Variants in CCSER1 observed in about 807,000 individuals in gnomAD.
CCSER1 encodes the protein serine-rich coiled-coil domain-containing protein 1.
Under a neutral mutation model 82.0 loss-of-function variants are expected in CCSER1, and 41 were observed. The observed-to-expected ratio is 0.50, with a 90% CI of 0.39 to 0.65. CCSER1 has a LOEUF of 0.65. Ranked by LOEUF, CCSER1 falls within the 30% of genes least tolerant of loss-of-function variation. The probability of loss-of-function intolerance (pLI) is 0.00; values close to 1 mark genes in which losing one functional copy is unlikely to be tolerated. For missense variants in CCSER1, 1,119 were observed against 1,064.2 expected (o/e 1.05, Z -0.72); for synonymous variants, 414 against 383.9 (o/e 1.08, Z -0.92).
intron 6 of CCSER1, 69 bp downstream of exon 6, chr4:90,628,301 A>T: frequency 1.6e-6 from 2 of 1,250,170 alleles, no homozygotes; most frequent in Middle Eastern, 2.7e-4. Context: ...ACGTGGTTAG[A>T]CCCTGCTCTG....
chr4:90,691,223 T>A (rs1175480862), intron 6 of CCSER1, among the ~76,000 whole-genome samples: 2 of 152,036 alleles, frequency 1.3e-5, no homozygotes, highest in Non-Finnish European at 2.9e-5. Context: ...TACAGAGGGT[T>A]TATACATACA....
At chr4:90,870,236 A>G (rs1277692869) in intron 8 of CCSER1, among the ~76,000 whole-genome samples, 2 of 152,072 alleles carry the variant, frequency 1.3e-5, no homozygotes, top group Admixed American at 6.6e-5. Context: ...TATGTTGAAT[A>G]ACAGTGGTGA....
chr4:90,984,610 T>C (rs1260412195), intron 9 of CCSER1, among the ~76,000 whole-genome samples: 2 of 151,738 alleles, frequency 1.3e-5, no homozygotes, highest in Non-Finnish European at 2.9e-5. Flanking sequence ...AACTAACTTA[T>C]TGACTTAAGC....
At chr4:91,247,905 A>G (rs1445936027) in intron 10 of CCSER1, among the ~76,000 whole-genome samples, 2 of 152,032 alleles carry the variant, frequency 1.3e-5, no homozygotes, top group Non-Finnish European at 2.9e-5. Context: ...AATAACAACA[A>G]AAAACACGAA....
chr4:91,115,371 G>T (rs1726462337), intron 10 of CCSER1, among the ~76,000 whole-genome samples: 1 of 151,814 alleles, frequency 6.6e-6, no homozygotes, highest in South Asian at 2.1e-4. Flanking sequence ...CTGTTGCCCA[G>T]GCTGGAGTGC....
chr4:91,296,576 G>A (rs1578140128), intron 10 of CCSER1, among the ~76,000 whole-genome samples: 1 of 146,662 alleles, frequency 6.8e-6, no homozygotes, highest in Non-Finnish European at 1.5e-5. Context: ...TTAATATATA[G>A]TTAACATATA....
intron 9 of CCSER1, among the ~76,000 whole-genome samples, chr4:91,012,739 A>G (rs545084713): frequency 2.4e-5 from 2 of 82,588 alleles, no homozygotes; most frequent in Admixed American, 2.3e-4. Context: ...CACATGGGCT[A>G]CAGGGACCAG....
intron 10 of CCSER1, among the ~76,000 whole-genome samples, chr4:91,416,773 C>T (rs555708620): frequency 1.3e-5 from 2 of 152,220 alleles, no homozygotes; most frequent in African/African-American, 4.8e-5. Context: ...CTAGGCAATA[C>T]CATTCAGGAC....
chr4:90,420,564 C>T (rs1444997533), intron 4 of CCSER1, among the ~76,000 whole-genome samples: 6 of 150,342 alleles, frequency 4.0e-5, no homozygotes, highest in Admixed American at 3.9e-4. Flanking sequence ...AAAAGTGCTT[C>T]TGCCTATCTA....
At chr4:90,460,613 C>T (rs1010331702) in intron 4 of CCSER1, among the ~76,000 whole-genome samples, 2 of 152,030 alleles carry the variant, frequency 1.3e-5, no homozygotes, top group Middle Eastern at 3.2e-3. Flanking sequence ...AGGATATTGA[C>T]AGTTTTACGC....
intron 7 of CCSER1, among the ~76,000 whole-genome samples, chr4:90,730,805 G>A (rs1342651457): frequency 1.1e-4 from 17 of 152,030 alleles, no homozygotes; most frequent in Admixed American, 1.0e-3. Flanking sequence ...GAGAATACTC[G>A]GTCTTATCAG....
chr4:91,557,743 T>C (rs1762469818), intron 10 of CCSER1, among the ~76,000 whole-genome samples: 1 of 151,370 alleles, frequency 6.6e-6, no homozygotes, highest in Admixed American at 6.6e-5. Context: ...AAGTAATGTG[T>C]TCAAGGAGTT....
chr4:90,758,958 T>A (rs952180011), intron 7 of CCSER1, among the ~76,000 whole-genome samples: 2 of 152,168 alleles, frequency 1.3e-5, no homozygotes, highest in African/African-American at 4.8e-5. Context: ...ATTTTTCCCA[T>A]TCTGTTATGT....
chr4:90,171,389 T>C (rs983188331), intron 1 of CCSER1, among the ~76,000 whole-genome samples: 11 of 151,852 alleles, frequency 7.2e-5, no homozygotes, highest in South Asian at 4.1e-4. Context: ...AGAATAAATA[T>C]TTGTGATGTA....
chr4:90,215,639 G>A (rs1740871620), intron 1 of CCSER1, among the ~76,000 whole-genome samples: 1 of 152,126 alleles, frequency 6.6e-6, no homozygotes, highest in Admixed American at 6.5e-5. Context: ...ATATACACAG[G>A]GCACTAGTGA....
At chr4:90,504,144 A>G (rs1770350146) in intron 5 of CCSER1, among the ~76,000 whole-genome samples, 1 of 151,760 alleles carries the variant, frequency 6.6e-6, no homozygotes, top group African/African-American at 2.4e-5. Flanking sequence ...CAATTGGCCA[A>G]TTTTTTTTCA....
At chr4:90,411,182 T>C (rs951483296) in intron 4 of CCSER1, among the ~76,000 whole-genome samples, 3 of 152,188 alleles carry the variant, frequency 2.0e-5, no homozygotes, top group African/African-American at 7.2e-5. Context: ...CACAGCCGAA[T>C]TCTACCAGAG....
In CCSER1 at chr4:91,601,325, A is replaced by G. The variant is rs1290176732; in HGVS notation, c.*2268A>G. 1.3e-5 allele frequency: 2 copies of G among 152,230 alleles called. No individual in the cohort carries two copies. The highest frequency in any genetic ancestry group is 2.4e-5 in the African/African-American group (1 of 41,580). The allele number at this position is 152,230 out of a possible 1,614,324, so 9.4% of individuals were successfully genotyped here. On this transcript the variant is annotated 3_prime_UTR_variant, in exon 11 of 11. Coordinates refer to ENST00000509176, the MANE Select transcript of CCSER1 (RefSeq NM_001145065.2). ...ATTCAAAAGAAAACCTGGATTAAAC[A>G]GTTCGATTTTAAAAGGAAGGGTATT...
intron 10 of CCSER1, among the ~76,000 whole-genome samples, chr4:91,264,848 G>A (rs1430397867): frequency 6.6e-6 from 1 of 151,818 alleles, no homozygotes; most frequent in African/African-American, 2.4e-5. Context: ...ATAAGTAGGA[G>A]GGTAAATCCC....
Sources: allele counts gnomAD v4.1 joint callset (sites outside exome capture counted in the v4.1 genomes callset), GRCh38; gene constraint gnomAD v4.1.1; transcripts MANE v1.5; gene names NCBI Gene and HGNC (gene_info 2026-07-23, HGNC 2026-07-21).